GRM8: variants seen among roughly 807,000 people sequenced by gnomAD.
GRM8 encodes metabotropic glutamate receptor 8.
GRM8 carries 47 observed loss-of-function variants against 87.2 expected under a neutral mutation model. The ratio of observed to expected loss-of-function variants is 0.54; its 90% CI spans 0.43 to 0.69. The LOEUF is 0.69. Ranked by LOEUF, GRM8 falls within the 30% of genes least tolerant of loss-of-function variation. The pLI, the probability that GRM8 is intolerant of heterozygous loss-of-function variation, is 0.00. For missense variants in GRM8, 1,019 were observed against 1,139.2 expected (o/e 0.89, Z 1.52); for synonymous variants, 396 against 404.5 (o/e 0.98, Z 0.25).
chr7:126,523,411 G>C (rs1813296500), intron 9 of GRM8, among the ~76,000 whole-genome samples: 1 of 151,786 alleles, frequency 6.6e-6, no homozygotes, highest in African/African-American at 2.4e-5. Context: ...ATTTTAGATA[G>C]TATCTATTGG....
At chr7:127,193,605 G>T (rs1194260535) in intron 2 of GRM8, among the ~76,000 whole-genome samples, 3 of 152,200 alleles carry the variant, frequency 2.0e-5, no homozygotes, top group African/African-American at 4.8e-5. Context: ...GAGGCTTAAA[G>T]AGTGAGGTAG....
chr7:126,605,753 A>G (rs1320475647), intron 8 of GRM8, among the ~76,000 whole-genome samples: 1 of 152,198 alleles, frequency 6.6e-6, no homozygotes, highest in Non-Finnish European at 1.5e-5. Flanking sequence ...CAGTATATGG[A>G]TAAGAGTAAA....
intron 2 of GRM8, among the ~76,000 whole-genome samples, chr7:127,121,348 G>T (rs1459074972): frequency 6.6e-6 from 1 of 152,114 alleles, no homozygotes; most frequent in Non-Finnish European, 1.5e-5. Context: ...TAGAGGGAGA[G>T]AATAGTACTT....
At chr7:126,480,248 G>A (rs558182520) in intron 9 of GRM8, among the ~76,000 whole-genome samples, 1 of 152,108 alleles carries the variant, frequency 6.6e-6, no homozygotes, top group South Asian at 2.1e-4. Context: ...AGCCGGGTGT[G>A]GGGGCGCACG....
intron 9 of GRM8, among the ~76,000 whole-genome samples, chr7:126,463,743 T>C (rs1804167061): frequency 1.3e-5 from 2 of 151,774 alleles, no homozygotes; most frequent in Admixed American, 1.3e-4. Context: ...AAAATTCCTA[T>C]GTCAGCAGCT....
At chr7:126,837,273 C>A (rs1795894833) in intron 6 of GRM8, among the ~76,000 whole-genome samples, 1 of 152,152 alleles carries the variant, frequency 6.6e-6, no homozygotes, top group African/African-American at 2.4e-5. Flanking sequence ...ATATCAAAAT[C>A]TTCGTTAAGA....
chr7:126,850,751 T>G (rs988365921), intron 6 of GRM8, among the ~76,000 whole-genome samples: 1 of 152,198 alleles, frequency 6.6e-6, no homozygotes, highest in African/African-American at 2.4e-5. Flanking sequence ...CTTTAAAAAA[T>G]ATTCATGTTT....
At chr7:126,714,391 G>T (rs1811492716) in intron 7 of GRM8, among the ~76,000 whole-genome samples, 1 of 151,614 alleles carries the variant, frequency 6.6e-6, no homozygotes, top group Non-Finnish European at 1.5e-5. Flanking sequence ...ACACATTTAA[G>T]TCATTTAATT....
In GRM8 at chr7:126,756,759, G is replaced by T. The variant is rs377180821; in HGVS notation, c.1357+13106C>A. 2.0e-5 allele frequency among the ~76,000 whole-genome samples: 3 copies of T among 152,188 alleles called. No individual in the cohort carries two copies. The East Asian group carries it at 5.8e-4, about 29-fold the overall frequency. ...ATGGTTCCCAGAGATGAGGTGGGAA[G>T]AAAATATAGATAGGTGGAGGATAGA... On this transcript the variant is annotated intron_variant, in intron 7 of 10. Transcript: ENST00000339582.
intron 9 of GRM8, among the ~76,000 whole-genome samples, chr7:126,510,103 A>C (rs925119838): frequency 1.3e-5 from 2 of 152,024 alleles, no homozygotes; most frequent in African/African-American, 4.8e-5. Flanking sequence ...AGGTATTCCC[A>C]ACATGATCAC....
chr7:127,195,120 C>T (rs891994080), intron 2 of GRM8, among the ~76,000 whole-genome samples: 2 of 152,104 alleles, frequency 1.3e-5, no homozygotes, highest in Non-Finnish European at 2.9e-5. Context: ...TCATTCCACT[C>T]ATTGTATCTG....
At chr7:126,779,703 G>T (rs1819862222) in intron 6 of GRM8, among the ~76,000 whole-genome samples, 1 of 151,740 alleles carries the variant, frequency 6.6e-6, no homozygotes, top group Admixed American at 6.6e-5. Context: ...ATGTTTTGTA[G>T]CTTTATAAAA....
At chr7:126,569,770 T>C (rs1388562125) in intron 8 of GRM8, among the ~76,000 whole-genome samples, 2 of 152,208 alleles carry the variant, frequency 1.3e-5, no homozygotes, top group African/African-American at 4.8e-5. Context: ...ATCTACTCTA[T>C]TATCAGCTGC....
At chr7:126,768,584 C>T (rs375930440) in intron 7 of GRM8, among the ~76,000 whole-genome samples, 1 of 151,782 alleles carries the variant, frequency 6.6e-6, no homozygotes, top group African/African-American at 2.4e-5. Flanking sequence ...CTTTAAAATG[C>T]TTTCTTTAGT....
intron 6 of GRM8, among the ~76,000 whole-genome samples, chr7:126,848,001 G>C (rs1796863174): frequency 6.6e-6 from 1 of 152,180 alleles, no homozygotes; most frequent in Non-Finnish European, 1.5e-5. Context: ...CAAATGGAGA[G>C]ACCAGTTAGG....
intron 7 of GRM8, among the ~76,000 whole-genome samples, chr7:126,648,249 C>A (rs1803400428): frequency 6.6e-6 from 1 of 152,136 alleles, no homozygotes; most frequent in Admixed American, 6.5e-5. Context: ...CCCCTATATA[C>A]CTATCATAGT....
intron 3 of GRM8, among the ~76,000 whole-genome samples, chr7:127,102,905 C>T (rs1825437113): frequency 6.6e-6 from 1 of 152,226 alleles, no homozygotes; most frequent in African/African-American, 2.4e-5. Flanking sequence ...AGCTTGAACC[C>T]AGGTTGAAGT....
chr7:127,068,103 T>C (rs1162751763), intron 3 of GRM8, among the ~76,000 whole-genome samples: 1 of 152,180 alleles, frequency 6.6e-6, no homozygotes, highest in East Asian at 1.9e-4. Flanking sequence ...CCCCCATTCC[T>C]TCCATCCCTC....
At chr7:127,028,047 G>A (rs923048260) in intron 3 of GRM8, among the ~76,000 whole-genome samples, 3 of 152,166 alleles carry the variant, frequency 2.0e-5, no homozygotes, top group African/African-American at 7.2e-5. Context: ...AAAGGCTGTT[G>A]AATTTTGTCA....
Sources: allele counts gnomAD v4.1 joint callset (sites outside exome capture counted in the v4.1 genomes callset), GRCh38; gene constraint gnomAD v4.1.1; transcripts MANE v1.5; gene names NCBI Gene and HGNC (gene_info 2026-07-23, HGNC 2026-07-21).